MARCHF10: variants seen among roughly 807,000 people sequenced by gnomAD.
MARCHF10 encodes probable E3 ubiquitin-protein ligase MARCHF10.
MARCHF10 carries 64 observed loss-of-function variants against 76.2 expected under a neutral mutation model. The ratio of observed to expected loss-of-function variants is 0.84; its 90% CI spans 0.69 to 1.03. The LOEUF (loss-of-function observed/expected upper bound fraction) is 1.03. Among genes scored for constraint, MARCHF10 ranks in the 50% least tolerant of loss-of-function variants. MARCHF10 has a pLI of 0.00. For missense variants in MARCHF10, 875 were observed against 958.0 expected (o/e 0.91, Z 1.14); for synonymous variants, 340 against 357.5 (o/e 0.95, Z 0.55).
intron 3 of MARCHF10, among the ~76,000 whole-genome samples, chr17:62,775,554 C>T (rs1420851783): frequency 5.9e-5 from 9 of 151,944 alleles, no homozygotes; most frequent in Non-Finnish European, 1.0e-4. Context: ...GTACCCAACA[C>T]GGTGTCTTGT....
intron 2 of MARCHF10, among the ~76,000 whole-genome samples, chr17:62,796,786 C>T (rs1019535137): frequency 2.6e-5 from 4 of 152,084 alleles, no homozygotes; most frequent in African/African-American, 4.8e-5. Flanking sequence ...CCCAGGAGTT[C>T]GATACCAGCC....
intron 3 of MARCHF10, among the ~76,000 whole-genome samples, chr17:62,768,017 GAAC>G (rs2092372636): frequency 6.6e-6 from 1 of 152,144 alleles, no homozygotes; most frequent in Non-Finnish European, 1.5e-5. Context: ...GTGAGCTGGA[GAAC>G]AACAACTTTG....
intron 7 of MARCHF10, among the ~76,000 whole-genome samples, chr17:62,722,816 T>C (rs931100978): frequency 1.3e-5 from 2 of 152,160 alleles, no homozygotes; most frequent in South Asian, 2.1e-4. Context: ...TTCATAGAAG[T>C]GAAATTCCCA....
chr17:62,729,774 A>G (rs1390647638), intron 6 of MARCHF10, among the ~76,000 whole-genome samples: 2 of 152,070 alleles, frequency 1.3e-5, no homozygotes, highest in African/African-American at 2.4e-5. Flanking sequence ...GGGTATCGCC[A>G]TGTTGTCCAG....
chr17:62,765,713 T>C (rs77207032), intron 3 of MARCHF10, among the ~76,000 whole-genome samples: 2 of 152,186 alleles, frequency 1.3e-5, no homozygotes, highest in African/African-American at 2.4e-5. Context: ...AGGTACTTCT[T>C]ATGATGCCAG....
At chr17:62,765,056 CTT>C (rs2092295922) in intron 3 of MARCHF10, among the ~76,000 whole-genome samples, 1 of 152,058 alleles carries the variant, frequency 6.6e-6, no homozygotes. Context: ...CCTGAACATG[CTT>C]TTTGGAGGCC....
At position 62,711,118 on chromosome 17, in the gene MARCHF10, C is replaced by T; in HGVS notation, c.2328+113G>A. 1 of 795,558 alleles carries T rather than the reference C, an allele frequency of 1.3e-6. No individual in the cohort carries two copies. Among genetic ancestry groups the T allele is most frequent in the Non-Finnish European group, 2.1e-6 (1 of 465,598 alleles). 49.3% of individuals were successfully genotyped at this position (795,558 alleles called of 1,614,324 possible). ...AAATCTTAGTCCTAACAATGATAGT[C>T]CCATATCCTCCCAAGCGACCGTGAG... is the stretch of plus-strand genomic sequence containing the variant. On this transcript the variant is annotated intron_variant, in intron 9 of 10. Transcript: ENST00000311269. This position sits in a 1 kb window ranked among gnomAD's most constrained non-coding sequence, Gnocchi z 4.4.
At chr17:62,720,154 C>A (rs1322924446) in intron 8 of MARCHF10, among the ~76,000 whole-genome samples, 1 of 152,186 alleles carries the variant, frequency 6.6e-6, no homozygotes, top group African/African-American at 2.4e-5. Context: ...TCCAACATCC[C>A]TGCCATATCT....
At chr17:62,795,356 CAAAAAA>C (rs61564298) in intron 2 of MARCHF10, among the ~76,000 whole-genome samples, 3 of 52,946 alleles carry the variant, frequency 5.7e-5, no homozygotes, top group Admixed American at 2.6e-4. Flanking sequence ...ATCATTTGAT[CAAAAAA>C]AAAAAAAAAA....
chr17:62,724,888 A>C, intron 7 of MARCHF10, 50 bp downstream of exon 7: 1 of 1,600,478 alleles, frequency 6.2e-7, no homozygotes, highest in Non-Finnish European at 8.5e-7. Flanking sequence ...GTGGTGCCTC[A>C]TGTTAATTAC....
chr17:62,748,626 C>T (rs2091790935), intron 4 of MARCHF10, among the ~76,000 whole-genome samples: 1 of 151,982 alleles, frequency 6.6e-6, no homozygotes, highest in South Asian at 2.1e-4. Flanking sequence ...TACCTGTGGT[C>T]CTGGCTACAT....
rs192031108 is a variant in MARCHF10, at chr17:62,753,637, C to T, written c.382+6198G>A. ...CCTGTCTTCCTTGCTCCCTCTCCTC[C>T]GTTCCTTTGCACACTCAGTACCTGC... On this transcript the variant is annotated intron_variant, in intron 4 of 10. Coordinates refer to ENST00000311269, the MANE Select transcript of MARCHF10 (RefSeq NM_152598.4). Among the ~76,000 whole-genome samples, 25 of 152,326 alleles carry T rather than the reference C, an allele frequency of 1.6e-4. No individual in the cohort carries two copies. The East Asian group carries it at 3.5e-3, about 21-fold the overall frequency.
In MARCHF10 at chr17:62,741,666, T is replaced by A. The variant is rs966145318; in HGVS notation, c.535+2710A>T. ...ACCTATATTGTCTCCAGATGAACTT[T>A]AAAAAAATGTTTATTAGCCATCTGT... On this transcript the variant is annotated intron_variant, in intron 5 of 10. Transcript: ENST00000311269. Among the ~76,000 whole-genome samples the A allele has an allele frequency of 2.0e-5, 3 of 152,160 alleles. No homozygotes were observed. In the South Asian group the frequency reaches 6.2e-4, roughly 31 times the overall value.
intron 4 of MARCHF10, among the ~76,000 whole-genome samples, chr17:62,745,902 A>C (rs560607343): frequency 9.5e-4 from 145 of 152,366 alleles, no homozygotes; most frequent in Non-Finnish European, 1.7e-3. Flanking sequence ...TATCTGGACG[A>C]AATTCCCCAA....
intron 8 of MARCHF10, among the ~76,000 whole-genome samples, chr17:62,716,846 G>A (rs775474542): frequency 4.6e-5 from 7 of 152,046 alleles, no homozygotes; most frequent in Admixed American, 6.6e-5. Flanking sequence ...ACTTGTACAC[G>A]TCTAGAAGTG....
chr17:62,779,309 G>C (rs2092613534), intron 3 of MARCHF10, among the ~76,000 whole-genome samples: 1 of 152,222 alleles, frequency 6.6e-6, no homozygotes. Flanking sequence ...CAAGGAATCT[G>C]AGAATGGGCA....
chr17:62,786,768 A>C (rs940913175), intron 3 of MARCHF10, among the ~76,000 whole-genome samples: 1 of 152,200 alleles, frequency 6.6e-6, no homozygotes, highest in African/African-American at 2.4e-5. Context: ...TTAAGTGTGA[A>C]AAGGAACATA....
chr17:62,771,568 A>G (rs1449463066), intron 3 of MARCHF10, among the ~76,000 whole-genome samples: 2 of 141,472 alleles, frequency 1.4e-5, no homozygotes, highest in African/African-American at 5.2e-5. Context: ...CTGCTTGTCA[A>G]TATCTATTTT....
intron 10 of MARCHF10, among the ~76,000 whole-genome samples, chr17:62,702,786 C>T (rs986305460): frequency 6.6e-6 from 1 of 152,218 alleles, no homozygotes; most frequent in African/African-American, 2.4e-5. Context: ...CCCTCTCACC[C>T]TCTCAGTTCT....
Sources: gnomAD v4.1 joint callset for allele counts (sites outside exome capture counted in the v4.1 genomes callset) on GRCh38, gnomAD v4.1.1 for gene constraint, Gnocchi (gnomAD v3.1) non-coding constraint, MANE v1.5 for transcripts, NCBI Gene and HGNC (gene_info 2026-07-23, HGNC 2026-07-21) for gene names.